Variants in GPBP1L1 observed in about 807,000 individuals in gnomAD.
The protein encoded by GPBP1L1 is vasculin-like protein 1.
In GPBP1L1, 23 loss-of-function variants were observed where a neutral mutation model predicts 52.5. The observed-to-expected ratio is 0.44, with a 90% CI of 0.32 to 0.62. The LOEUF is 0.62. GPBP1L1 is among the 20% of genes least tolerant of loss of function. The probability of loss-of-function intolerance (pLI) is 0.06; values close to 1 mark genes in which losing one functional copy is unlikely to be tolerated. For synonymous variants in GPBP1L1, 243 were observed against 203.1 expected (o/e 1.20, Z -1.67); for missense variants, 596 against 579.3 (o/e 1.03, Z -0.30).
intron 6 of GPBP1L1, chr1:45,645,718 C>G (rs769482876): frequency 3.0e-6 from 1 of 331,202 alleles, no homozygotes; most frequent in Non-Finnish European, 5.7e-6. Flanking sequence ...GAAGCTTGTT[C>G]TTCAGTAGTT....
chr1:45,640,338 G>C lies in GPBP1L1; in HGVS notation c.616C>G (p.Pro206Ala). The C allele has an allele frequency of 6.2e-7, 1 of 1,614,174 alleles. No homozygotes were observed. The highest frequency in any genetic ancestry group is 8.5e-7 in the Non-Finnish European group (1 of 1,180,014). The change falls in exon 8 of 13, where the codon CCT becomes GCT. Residue 206 changes from proline to alanine, a missense_variant. Pro to Ala is a conservative substitution (Grantham distance 27). Transcript: ENST00000355105. The stretch of plus-strand genomic sequence containing the variant: ...AATGCAGCAGAGAAGGCAGCAGCAG[G>C]ATCCTCTTTGGAAACTTTTTTGATA... ...LVIKKVSKED[P>A]AAAFSAAFTS...
Position 45,660,635 on chromosome 1 carries a change from T to A in GPBP1L1, c.-507A>T. The A allele has an allele frequency of 6.2e-6, 5 of 811,770 alleles. No individual in the cohort carries two copies. The highest frequency in any genetic ancestry group is 7.4e-6 in the Non-Finnish European group (5 of 671,356). The allele number at this position is 811,770 out of a possible 1,614,324, so 50.3% of individuals were successfully genotyped here. A position where few individuals can be genotyped will look rare whatever the true frequency, so the allele number is the denominator to read the frequency against. ...GCTCAAGTGTGGACAAATAATGTCATCAAGGTAATAGATCAAAAATATTAA... is the reference window on the plus strand; with the variant it reads ...GCTCAAGTGTGGACAAATAATGTCAACAAGGTAATAGATCAAAAATATTAA... On this transcript the variant is annotated 5_prime_UTR_variant, in exon 3 of 13. An upstream start codon of the reference 5' UTR is lost. Coordinates refer to ENST00000355105, the MANE Select transcript of GPBP1L1 (RefSeq NM_021639.5).
chr1:45,663,837 T>C (rs576385954), intron 2 of GPBP1L1, among the ~76,000 whole-genome samples: 5 of 152,324 alleles, frequency 3.3e-5, no homozygotes, highest in African/African-American at 1.2e-4. Flanking sequence ...AAATTAAAGA[T>C]CTTTAGTGAT....
intron 2 of GPBP1L1, among the ~76,000 whole-genome samples, chr1:45,677,042 C>CT (rs1645155275): frequency 2.7e-5 from 4 of 150,216 alleles, no homozygotes; most frequent in African/African-American, 7.3e-5. Flanking sequence ...CAAAACAAAG[C>CT]TAAAAAAAAA....
intron 10 of GPBP1L1, among the ~76,000 whole-genome samples, chr1:45,632,448 G>A (rs550826447): frequency 6.6e-6 from 1 of 152,314 alleles, no homozygotes; most frequent in African/African-American, 2.4e-5. Context: ...ACATGTGGTG[G>A]CTTATGCCTT....
intron 10 of GPBP1L1, among the ~76,000 whole-genome samples, chr1:45,632,577 G>A (rs190669069): frequency 1.3e-5 from 2 of 152,230 alleles, no homozygotes; most frequent in South Asian, 2.1e-4. Flanking sequence ...TTAGCTGGGC[G>A]TGGTGGCGGG....
In GPBP1L1 at chr1:45,654,694, C is replaced by G. The variant is rs750824094; in HGVS notation, c.326G>C (p.Arg109Pro). Reference sequence around the variant, plus strand: ...ATGGTTCCCTGTGCCACCTCCACTACGTTGGCTCATGCCATCATGACCTCG... The same window carrying G: ...ATGGTTCCCTGTGCCACCTCCACTAGGTTGGCTCATGCCATCATGACCTCG... ...SSRGHDGMSQRSGGGTGNHRH... is the reference protein window; with the variant it reads ...SSRGHDGMSQPSGGGTGNHRH... Residue 109 changes from arginine (R) to proline (P), a missense_variant, in exon 6 of 13, where the codon CGT becomes CCT. Arg to Pro is a moderately radical substitution (Grantham distance 103, BLOSUM62 -2). Coordinates refer to ENST00000355105, the MANE Select transcript of GPBP1L1 (RefSeq NM_021639.5). 1.2e-6 allele frequency: 2 copies of G among 1,614,066 alleles called. No homozygotes were observed. The highest frequency in any genetic ancestry group is 1.7e-6 in the Non-Finnish European group (2 of 1,180,034).
intron 2 of GPBP1L1, among the ~76,000 whole-genome samples, chr1:45,665,292 C>G (rs1441069349): frequency 1.3e-5 from 2 of 151,892 alleles, no homozygotes; most frequent in East Asian, 3.9e-4. Context: ...ACATGAAAGA[C>G]TAGACTGGAG....
At chr1:45,680,253 T>TC (rs1553185093) in intron 2 of GPBP1L1, among the ~76,000 whole-genome samples, 2 of 148,420 alleles carry the variant, frequency 1.3e-5, no homozygotes, top group African/African-American at 2.5e-5. Context: ...TTTTTTTTTT[T>TC]CTTGAGACAG....
intron 12 of GPBP1L1, 40 bp downstream of exon 12, chr1:45,629,536 G>A (rs970810801): frequency 1.5e-5 from 17 of 1,104,000 alleles, no homozygotes; most frequent in African/African-American, 5.2e-5. Context: ...TTATTCTCCT[G>A]GTTACTAACT....
Position 45,640,345 on chromosome 1 carries a change from T to C in GPBP1L1, c.609A>G (p.Lys203=). ...SKMLVIKKVS[K]EDPAAAFSAA... Reference sequence around the variant, plus strand: ...CAGAGAAGGCAGCAGCAGGATCCTCTTTGGAAACTTTTTTGATAACTAGCA... The same window carrying C: ...CAGAGAAGGCAGCAGCAGGATCCTCCTTGGAAACTTTTTTGATAACTAGCA... The change falls in exon 8 of 13, where the codon AAA becomes AAG. Residue 203 remains lysine (K), a synonymous_variant. Coordinates refer to ENST00000355105, the MANE Select transcript of GPBP1L1 (RefSeq NM_021639.5). The C allele has an allele frequency of 6.2e-7, 1 of 1,614,172 alleles. No individual in the cohort carries two copies. Among genetic ancestry groups the C allele is most frequent in the Non-Finnish European group, 8.5e-7 (1 of 1,180,022 alleles).
chr1:45,649,118 C>T (rs1644789396), intron 6 of GPBP1L1, among the ~76,000 whole-genome samples: 1 of 152,220 alleles, frequency 6.6e-6, no homozygotes, highest in African/African-American at 2.4e-5. Context: ...GCATGACATC[C>T]ACACTCAAAA....
At chr1:45,664,110 A>C (rs1051123766) in intron 2 of GPBP1L1, among the ~76,000 whole-genome samples, 4 of 152,180 alleles carry the variant, frequency 2.6e-5, no homozygotes, top group Admixed American at 1.3e-4. Context: ...AGGTGGGCGG[A>C]TCACGAGGTC....
chr1:45,681,945 C>T (rs1042614084), intron 2 of GPBP1L1, among the ~76,000 whole-genome samples: 1 of 152,108 alleles, frequency 6.6e-6, no homozygotes, highest in Non-Finnish European at 1.5e-5. Context: ...TCTATGTTAC[C>T]GAAATTACTT....
At chr1:45,628,704 CCCAGGCTAGAGT>C (rs1457845803) in intron 12 of GPBP1L1, among the ~76,000 whole-genome samples, 1 of 152,166 alleles carries the variant, frequency 6.6e-6, no homozygotes, top group Non-Finnish European at 1.5e-5. Flanking sequence ...CGCTCTGTCA[CCCAGGCTAGAGT>C]GCAATGGCAC....
intron 6 of GPBP1L1, among the ~76,000 whole-genome samples, chr1:45,643,581 C>T (rs1010937014): frequency 2.0e-5 from 3 of 149,002 alleles, no homozygotes; most frequent in Non-Finnish European, 4.4e-5. Flanking sequence ...GAGCAATAGA[C>T]TAGACTTAAT....
At position 45,630,589 on chromosome 1, in the gene GPBP1L1, T is replaced by C; in HGVS notation, c.1062A>G (p.Thr354=). Residue 354 remains threonine, a synonymous_variant, in exon 11 of 13, where the codon ACA becomes ACG. Transcript: ENST00000355105. ...DKLEDLEDNS[T]PEPKENGEEG... is the part of the protein sequence containing the mutation. ...CCTCCCCATTTTCCTTTGGTTCAGG[T>C]GTGCTGTTGTCCTCCAACTGCAATA... is the stretch of plus-strand genomic sequence containing the variant. 1 of 1,614,020 alleles carries C rather than the reference T, an allele frequency of 6.2e-7. No homozygotes were observed. Among genetic ancestry groups the C allele is most frequent in the Non-Finnish European group, 8.5e-7 (1 of 1,179,934 alleles).
At chr1:45,640,426 G>A (rs1644657183) in intron 7 of GPBP1L1, 23 bp from the exon 8 acceptor site, 1 of 1,591,214 alleles carries the variant, frequency 6.3e-7, no homozygotes, top group African/African-American at 1.3e-5. Context: ...AGAGTGGAGA[G>A]ACAACAGAAT....
chr1:45,655,384 T>C (rs1241013241), intron 4 of GPBP1L1, 65 bp from the exon 5 acceptor site: 18 of 1,550,212 alleles, frequency 1.2e-5, no homozygotes, highest in African/African-American at 2.7e-5. Context: ...AATATCTTAA[T>C]AGGCTTTGCA....
Sources: allele counts gnomAD v4.1 joint callset (sites outside exome capture counted in the v4.1 genomes callset), GRCh38; gene constraint gnomAD v4.1.1; transcripts MANE v1.5; gene names NCBI Gene and HGNC (gene_info 2026-07-23, HGNC 2026-07-21).